Variants in LPAR1 observed in about 807,000 individuals in gnomAD.
The protein encoded by LPAR1 is LPA receptor 1.
LPAR1 carries 5 observed loss-of-function variants against 23.8 expected under a neutral mutation model. The ratio of observed to expected loss-of-function variants is 0.21; its 90% CI spans 0.11 to 0.44. The LOEUF is 0.44. Ranked by LOEUF, LPAR1 falls within the 20% of genes least tolerant of loss-of-function variation. The pLI is 0.99. For missense variants in LPAR1, 311 were observed against 482.8 expected, an observed-to-expected ratio of 0.64 and a Z score of 3.33; for synonymous variants, 160 against 164.7, an observed-to-expected ratio of 0.97 and a Z score of 0.22.
intron 2 of LPAR1, among the ~76,000 whole-genome samples, chr9:111,009,488 T>C (rs1314607224): frequency 6.6e-6 from 1 of 152,180 alleles, no homozygotes; most frequent in Non-Finnish European, 1.5e-5. Context: ...ACTTGTGTCA[T>C]TTTTATTTTT....
chr9:110,963,573 G>A (rs1166545806), intron 4 of LPAR1, among the ~76,000 whole-genome samples: 3 of 152,102 alleles, frequency 2.0e-5, no homozygotes, highest in Non-Finnish European at 4.4e-5. Context: ...ACGAGTTAAT[G>A]GGTGCAGAAC....
At chr9:110,929,698 A>ATGTGTGTG (rs71371696) in intron 5 of LPAR1, among the ~76,000 whole-genome samples, 1,605 of 146,338 alleles carry the variant, frequency 0.011, 29 homozygotes, top group African/African-American at 0.039. Context: ...CCAGCCAATA[A>ATGTGTGTG]TGTGTGTGTG....
At chr9:110,911,465 C>G (rs1348656812) in intron 5 of LPAR1, among the ~76,000 whole-genome samples, 1 of 151,940 alleles carries the variant, frequency 6.6e-6, no homozygotes, top group African/African-American at 2.4e-5. Context: ...TTGCTTCAGC[C>G]TGGGAAGTAG....
rs999882553 is a variant in LPAR1 at position 110,971,274 on chromosome 9, T to C, written c.45+799A>G. The stretch of plus-strand genomic sequence containing the variant: ...TGAGCACCTCTGTATGCCTCATGTA[T>C]ATGAACCATCATTTTATCCATATAA... On this transcript the variant is annotated intron_variant, in intron 4 of 5. Coordinates refer to ENST00000683809, the MANE Select transcript of LPAR1 (RefSeq NM_001351411.2). Among the ~76,000 whole-genome samples the C allele has an allele frequency of 4.1e-4, 62 of 152,208 alleles. 1 individual carries two copies. Among genetic ancestry groups the C allele is most frequent in the Non-Finnish European group, 3.1e-4 (21 of 68,046 alleles).
chr9:110,988,179 C>A (rs1258264274), intron 2 of LPAR1, among the ~76,000 whole-genome samples: 1 of 151,780 alleles, frequency 6.6e-6, no homozygotes. Context: ...TTCAAACATA[C>A]AAAAGGTGAA....
intron 2 of LPAR1, among the ~76,000 whole-genome samples, chr9:111,034,877 ACT>A (rs891685745): frequency 1.1e-4 from 17 of 151,600 alleles, no homozygotes; most frequent in African/African-American, 4.1e-4. Flanking sequence ...ATCACCCCAC[ACT>A]CTCACTTTGT....
At chr9:110,963,684 A>G (rs2096085679) in intron 4 of LPAR1, among the ~76,000 whole-genome samples, 2 of 152,198 alleles carry the variant, frequency 1.3e-5, no homozygotes, top group South Asian at 4.1e-4. Flanking sequence ...AAAAAAAAGA[A>G]CTTCCAGACT....
intron 4 of LPAR1, among the ~76,000 whole-genome samples, chr9:110,956,566 A>C (rs1258212562): frequency 2.0e-5 from 3 of 151,946 alleles, no homozygotes; most frequent in Non-Finnish European, 4.4e-5. Flanking sequence ...AGACTAACCA[A>C]GAAAAAAGAC....
chr9:110,984,038 T>C (rs1200184158), intron 2 of LPAR1, among the ~76,000 whole-genome samples: 1 of 152,024 alleles, frequency 6.6e-6, no homozygotes, highest in Non-Finnish European at 1.5e-5. Context: ...GATGCAGGCA[T>C]GCAATATGTA....
chr9:110,895,073 A>G (rs2085859364), intron 5 of LPAR1, among the ~76,000 whole-genome samples: 1 of 152,216 alleles, frequency 6.6e-6, no homozygotes. Context: ...TTAATTTTAG[A>G]CCCAATCTCA....
chr9:110,892,827 A>AGGCG (rs1362111119), intron 5 of LPAR1, among the ~76,000 whole-genome samples: 3 of 27,774 alleles, frequency 1.1e-4, no homozygotes, highest in African/African-American at 2.0e-4. Context: ...GAAGGAAGGA[A>AGGCG]GGCAGGCAGG....
chr9:110,933,089 A>G (rs1233437520), intron 5 of LPAR1, among the ~76,000 whole-genome samples: 1 of 152,244 alleles, frequency 6.6e-6, no homozygotes, highest in Non-Finnish European at 1.5e-5. Context: ...TGATGCTAAC[A>G]GGATTTTTCA....
At chr9:110,898,053 A>G (rs1367316636) in intron 5 of LPAR1, among the ~76,000 whole-genome samples, 1 of 152,226 alleles carries the variant, frequency 6.6e-6, no homozygotes, top group African/African-American at 2.4e-5. Context: ...GTCTTCAGAT[A>G]CGTATTTCAA....
chr9:110,962,078 C>T (rs2096014583), intron 4 of LPAR1, among the ~76,000 whole-genome samples: 1 of 152,294 alleles, frequency 6.6e-6, no homozygotes, highest in Admixed American at 6.5e-5. Context: ...GCATTGAATT[C>T]CCCCCTGTAA....
At chr9:110,999,973 A>T (rs1383203273) in intron 2 of LPAR1, among the ~76,000 whole-genome samples, 1 of 152,132 alleles carries the variant, frequency 6.6e-6, no homozygotes, top group African/African-American at 2.4e-5. Context: ...TCAGCCTCCC[A>T]GAGTGCTGGG....
At chr9:110,947,217 G>A (rs939153537) in intron 4 of LPAR1, among the ~76,000 whole-genome samples, 2 of 152,046 alleles carry the variant, frequency 1.3e-5, no homozygotes, top group African/African-American at 4.8e-5. Context: ...CTCATACAAA[G>A]TCCAATAAGT....
intron 4 of LPAR1, among the ~76,000 whole-genome samples, chr9:110,958,254 C>T (rs2095828439): frequency 2.0e-5 from 3 of 152,010 alleles, no homozygotes; most frequent in African/African-American, 7.2e-5. Context: ...GAACCAAAAA[C>T]AAGCCTAAAT....
intron 2 of LPAR1, chr9:110,999,551 A>C (rs2097090307): frequency 2.4e-6 from 1 of 410,600 alleles, no homozygotes; most frequent in African/African-American, 2.1e-5. Context: ...TAAACAACAA[A>C]CATTTCTTTC....
intron 5 of LPAR1, among the ~76,000 whole-genome samples, chr9:110,900,567 C>A (rs2088482253): frequency 6.6e-6 from 1 of 152,164 alleles, no homozygotes; most frequent in South Asian, 2.1e-4. Flanking sequence ...CATTTCTAGT[C>A]ACACATAAAT....
Sources: gnomAD v4.1 joint callset for allele counts (sites outside exome capture counted in the v4.1 genomes callset) on GRCh38, gnomAD v4.1.1 for gene constraint, MANE v1.5 for transcripts, NCBI Gene and HGNC (gene_info 2026-07-23, HGNC 2026-07-21) for gene names.